Variants in SLC38A4 observed in about 807,000 individuals in gnomAD.
SLC38A4 encodes the protein solute carrier family 38 member 4.
Under a neutral mutation model 63.1 loss-of-function variants are expected in SLC38A4, and 20 were observed. The observed-to-expected ratio is 0.32, with a 90% CI of 0.22 to 0.46. The LOEUF (loss-of-function observed/expected upper bound fraction) is 0.46, where lower values mean the gene tolerates loss of function less well. Among genes scored for constraint, SLC38A4 ranks in the 20% least tolerant of loss-of-function variants. The probability of loss-of-function intolerance (pLI) is 1.00; values close to 1 mark genes in which losing one functional copy is unlikely to be tolerated. For missense variants in SLC38A4, 526 were observed against 663.6 expected (o/e 0.79, Z 2.28); for synonymous variants, 230 against 225.5 (o/e 1.02, Z -0.18).
chr12:46,828,462 C>G (rs552302867), upstream of SLC38A4, among the ~76,000 whole-genome samples: 2 of 152,260 alleles, frequency 1.3e-5, no homozygotes, highest in South Asian at 4.1e-4. Context: ...TCTGGGACTA[C>G]AGGCGCACGT....
In SLC38A4 at chr12:46,788,102, C is replaced by A. The variant is rs969273201; in HGVS notation, c.211-71G>T. 5 of 1,103,732 alleles carry A rather than the reference C, an allele frequency of 4.5e-6. No homozygotes were observed. The Admixed American group carries it at 7.8e-5, about 17-fold the overall frequency. The allele number at this position is 1,103,732 out of a possible 1,614,324, so 68.4% of individuals were successfully genotyped here. Reference sequence around the variant, plus strand: ...CATACCTTTAGGGGTTATCCTTATTCTCACATTATCTGCAGATTACAGTCC... The same window carrying A: ...CATACCTTTAGGGGTTATCCTTATTATCACATTATCTGCAGATTACAGTCC... On this transcript the variant is annotated intron_variant, in intron 4 of 16. Transcript: ENST00000266579.
chr12:46,783,461 C>A (rs75188654), intron 7 of SLC38A4, among the ~76,000 whole-genome samples: 8,129 of 151,918 alleles, frequency 0.054, 338 homozygotes, highest in South Asian at 0.18. Flanking sequence ...ATCTGGAGAA[C>A]AAATTAGAGT....
At chr12:46,827,383 A>G (rs1452060137), upstream of SLC38A4, among the ~76,000 whole-genome samples, 2 of 152,218 alleles carry the variant, frequency 1.3e-5, no homozygotes, top group African/African-American at 2.4e-5. Context: ...ACAAGCATGG[A>G]TATGGTAAAG....
chr12:46,814,625 G>T (rs1316177033), intron 1 of SLC38A4, among the ~76,000 whole-genome samples: 1 of 151,864 alleles, frequency 6.6e-6, no homozygotes, highest in East Asian at 1.9e-4. Flanking sequence ...AGTACTAATT[G>T]CCAAAACAGC....
At chr12:46,779,573 T>C (rs1462237142) in intron 10 of SLC38A4, 38 bp downstream of exon 10, 11 of 1,556,486 alleles carry the variant, frequency 7.1e-6, no homozygotes, top group Non-Finnish European at 9.5e-6. Flanking sequence ...AAACTCATGC[T>C]AACCAACCTG....
In SLC38A4 at chr12:46,793,146, G is replaced by C; in HGVS notation, c.-75C>G. ...TAATATACTGTACCTTCAGCTTAAGGTTCTTCCACTTTGTGTTGATGTTCA... is the reference window on the plus strand; with the variant it reads ...TAATATACTGTACCTTCAGCTTAAGCTTCTTCCACTTTGTGTTGATGTTCA... On this transcript the variant is annotated 5_prime_UTR_variant, in exon 3 of 17. Coordinates refer to ENST00000266579, the MANE Select transcript of SLC38A4 (RefSeq NM_018018.5). 2.9e-6 allele frequency: 3 copies of C among 1,027,756 alleles called. No homozygotes were observed. Among genetic ancestry groups the C allele is most frequent in the Non-Finnish European group, 1.5e-6 (1 of 658,060 alleles). 63.7% of individuals were successfully genotyped at this position (1,027,756 alleles called of 1,614,324 possible).
chr12:46,776,782 T>C (rs1938534452), intron 13 of SLC38A4, 122 bp downstream of exon 13: 4 of 746,964 alleles, frequency 5.4e-6, no homozygotes, highest in Admixed American at 4.8e-5. Flanking sequence ...GTATATTAAT[T>C]GAATATGTGT....
rs939496391 is a variant in SLC38A4, at chr12:46,765,217, T to A, written c.*1484A>T. The A allele has an allele frequency of 6.4e-6, 1 of 155,234 alleles. No individual in the cohort carries two copies. Among genetic ancestry groups the A allele is most frequent in the Non-Finnish European group, 1.4e-5 (1 of 69,824 alleles). 9.6% of individuals were successfully genotyped at this position (155,234 alleles called of 1,614,324 possible). On this transcript the variant is annotated 3_prime_UTR_variant, in exon 17 of 17. Coordinates refer to ENST00000266579, the MANE Select transcript of SLC38A4 (RefSeq NM_018018.5). Reference sequence around the variant, plus strand: ...TTACTATGATTTGAAAAAAAGGTAGTGAACTCCAGAAGTTTTAGGCTGTGA... The same window carrying A: ...TTACTATGATTTGAAAAAAAGGTAGAGAACTCCAGAAGTTTTAGGCTGTGA...
Position 46,778,559 on chromosome 12 carries a change from T to A in SLC38A4, c.935A>T (p.Glu312Val), listed in dbSNP as rs1475864359. ...AKGSLHDSGV[E>V]YEAHSDDKCE... ...CTTGTCATCACTATGAGCTTCATAT[T>A]CTACTCCACTGTCATGAAGAGAGCC... is the stretch of plus-strand genomic sequence containing the variant. Residue 312 changes from glutamate (E) to valine (V), a missense_variant, in exon 11 of 17, where the codon GAA becomes GTA. Coordinates refer to ENST00000266579, the MANE Select transcript of SLC38A4 (RefSeq NM_018018.5). 1 of 1,613,068 alleles carries A rather than the reference T, an allele frequency of 6.2e-7. No homozygotes were observed. The highest frequency in any genetic ancestry group is 1.1e-5 in the South Asian group (1 of 91,058).
intron 2 of SLC38A4, among the ~76,000 whole-genome samples, chr12:46,798,158 T>TG (rs1282751574): frequency 6.6e-6 from 1 of 152,052 alleles, no homozygotes; most frequent in Non-Finnish European, 1.5e-5. Flanking sequence ...ATACCCAGAG[T>TG]GATCTTTGAA....
At chr12:46,799,960 T>A (rs1455773398) in intron 2 of SLC38A4, among the ~76,000 whole-genome samples, 1 of 152,196 alleles carries the variant, frequency 6.6e-6, no homozygotes, top group East Asian at 1.9e-4. Context: ...TAACATTTTT[T>A]ACCTTTTTCT....
intron 7 of SLC38A4, among the ~76,000 whole-genome samples, chr12:46,782,732 T>C (rs1938668650): frequency 6.6e-6 from 1 of 151,320 alleles, no homozygotes. Flanking sequence ...TTATGTGCCA[T>C]ATGTTACCTT....
chr12:46,788,454 G>T, intron 4 of SLC38A4, 74 bp downstream of exon 4: 2 of 1,215,388 alleles, frequency 1.6e-6, no homozygotes, highest in Non-Finnish European at 2.4e-6. Flanking sequence ...CAGTCACATT[G>T]TTTTCCCACA....
At chr12:46,826,965 C>A (rs1939666088), upstream of SLC38A4, among the ~76,000 whole-genome samples, 1 of 152,180 alleles carries the variant, frequency 6.6e-6, no homozygotes, top group Admixed American at 6.5e-5. Flanking sequence ...TTCCTTCATT[C>A]ATTCAACAAA....
At position 46,766,887 on chromosome 12, in the gene SLC38A4, C is replaced by A. The variant is rs1938312468; in HGVS notation, c.1543-85G>T. The A allele has an allele frequency of 5.8e-6, 5 of 858,982 alleles. No homozygotes were observed. The South Asian group carries it at 6.0e-5, about 10-fold the overall frequency. 53.2% of individuals were successfully genotyped at this position (858,982 alleles called of 1,614,324 possible). ...TTAGTTGTTTACATAATATGGCAAT[C>A]TGATCTATATATTGAGCCATATTAT... On this transcript the variant is annotated intron_variant, in intron 16 of 16. Transcript: ENST00000266579.
At chr12:46,826,086 C>T (rs2120935804), upstream of SLC38A4, 1 of 152,310 alleles carries the variant, frequency 6.6e-6, no homozygotes, top group East Asian at 1.9e-4. Context: ...ACATTGCAGA[C>T]AGAACAGCGA....
Position 46,768,397 on chromosome 12 carries a change from A to G in SLC38A4, c.1455T>C (p.Ser485=), listed in dbSNP as rs754379303. The part of the protein sequence containing the change: ...KYIFGFIGAS[S]ATMLIFILPA... ...GAAGAATAAAAATCAGCATAGTGGC[A>G]GAAGAAGCCCCTGAGAAGACAAACA... The change falls in exon 16 of 17, where the codon TCT becomes TCC. Residue 485 remains serine (S), a synonymous_variant. Coordinates refer to ENST00000266579, the MANE Select transcript of SLC38A4 (RefSeq NM_018018.5). 3.1e-6 allele frequency: 5 copies of G among 1,609,910 alleles called. No individual in the cohort carries two copies. The highest frequency in any genetic ancestry group is 4.2e-6 in the Non-Finnish European group (5 of 1,177,674).
Position 46,793,029 on chromosome 12 carries a change from C to T in SLC38A4, c.43G>A (p.Asp15Asn). Reference protein sequence around the residue: ...ELRNVNIEPDDESSSGESAPD... With the variant: ...ELRNVNIEPDNESSSGESAPD... ...GCACTTTCTCCACTGCTGCTCTCATCATCTGGTTCGATGTTGACATTTCTC... is the reference window on the plus strand; with the variant it reads ...GCACTTTCTCCACTGCTGCTCTCATTATCTGGTTCGATGTTGACATTTCTC... The change falls in exon 3 of 17, where the codon GAT becomes AAT. Residue 15 changes from aspartate to asparagine, a missense_variant. Coordinates refer to ENST00000266579, the MANE Select transcript of SLC38A4 (RefSeq NM_018018.5). 1.2e-6 allele frequency: 2 copies of T among 1,613,278 alleles called. No individual in the cohort carries two copies. Among genetic ancestry groups the T allele is most frequent in the Non-Finnish European group, 1.7e-6 (2 of 1,179,434 alleles).
chr12:46,821,127 T>G (rs1056817525), intron 1 of SLC38A4, among the ~76,000 whole-genome samples: 3 of 152,136 alleles, frequency 2.0e-5, no homozygotes, highest in African/African-American at 7.2e-5. Flanking sequence ...TTCATTCTAT[T>G]GATTATTTCC....
Sources: allele counts gnomAD v4.1 joint callset (sites outside exome capture counted in the v4.1 genomes callset), GRCh38; gene constraint gnomAD v4.1.1; transcripts MANE v1.5; gene names NCBI Gene and HGNC (gene_info 2026-07-23, HGNC 2026-07-21).